AXIN1: variants seen among roughly 807,000 people sequenced by gnomAD.
AXIN1 encodes axin 1.
In AXIN1, 30 loss-of-function variants were observed where a neutral mutation model predicts 76.4. The ratio of observed to expected loss-of-function variants is 0.39; its 90% confidence interval spans 0.29 to 0.53. The LOEUF is 0.53. AXIN1 is among the 20% of genes least tolerant of loss of function. The pLI is 0.66. For synonymous variants in AXIN1, 545 were observed against 501.4 expected (o/e 1.09, Z -1.16); for missense variants, 1,140 against 1,198.8 (o/e 0.95, Z 0.72).
At chr16:297,368 C>T in intron 6 of AXIN1, 142 bp from the exon 7 acceptor site, 3 of 1,115,426 alleles carry the variant, frequency 2.7e-6, no homozygotes, top group Non-Finnish European at 3.9e-6. Flanking sequence ...GCTTGTCCCC[C>T]ACCCGCTGTC....
chr16:311,567 C>T (rs1053376038), intron 3 of AXIN1, among the ~76,000 whole-genome samples: 12 of 151,292 alleles, frequency 7.9e-5, no homozygotes, highest in Non-Finnish European at 1.5e-4. Context: ...GTCAGGAGAT[C>T]GAGACCATCC....
intron 2 of AXIN1, among the ~76,000 whole-genome samples, chr16:322,624 C>A (rs2053484242): frequency 6.6e-6 from 1 of 152,220 alleles, no homozygotes; most frequent in Non-Finnish European, 1.5e-5. Flanking sequence ...GGGTGTGCGT[C>A]TGCCCCTCAA....
At chr16:310,128 G>C in intron 3 of AXIN1, 59 bp from the exon 4 acceptor site, 1 of 1,500,452 alleles carries the variant, frequency 6.7e-7, no homozygotes, top group South Asian at 1.2e-5. Flanking sequence ...CCAGCACCGT[G>C]CCAATAGAGC....
chr16:331,316 G>C (rs971488602), intron 2 of AXIN1, among the ~76,000 whole-genome samples: 3 of 152,146 alleles, frequency 2.0e-5, no homozygotes, highest in Non-Finnish European at 2.9e-5. Flanking sequence ...CAAGTTCCAA[G>C]CTGGGTCTAC....
intron 5 of AXIN1, among the ~76,000 whole-genome samples, chr16:301,848 G>T (rs1316690354): frequency 1.4e-4 from 21 of 152,212 alleles, no homozygotes; most frequent in Admixed American, 1.4e-3. Flanking sequence ...CAGCAAAACA[G>T]CAAAGGCTTC....
intron 2 of AXIN1, among the ~76,000 whole-genome samples, chr16:342,638 C>T (rs578119853): frequency 9.8e-5 from 15 of 152,366 alleles, no homozygotes; most frequent in Non-Finnish European, 1.3e-4. Context: ...CCCCAGCGCA[C>T]GCACCGTGAC....
At chr16:348,940 T>C (rs1380859470) in intron 1 of AXIN1, among the ~76,000 whole-genome samples, 1 of 149,624 alleles carries the variant, frequency 6.7e-6, no homozygotes, top group Non-Finnish European at 1.5e-5. Context: ...CTACTAAAAA[T>C]ACAAAAAATT....
chr16:294,230 T>A (rs1432270627), intron 7 of AXIN1, among the ~76,000 whole-genome samples: 2 of 150,562 alleles, frequency 1.3e-5, no homozygotes, highest in Non-Finnish European at 3.0e-5. Context: ...GAGGCCAAGG[T>A]GGGTGGATCG....
intron 7 of AXIN1, among the ~76,000 whole-genome samples, chr16:294,904 A>C (rs1048670694): frequency 6.6e-6 from 1 of 151,408 alleles, no homozygotes; most frequent in Non-Finnish European, 1.5e-5. Flanking sequence ...CTACTAAAAA[A>C]ATACAAAAAA....
intron 5 of AXIN1, among the ~76,000 whole-genome samples, chr16:302,152 C>G (rs28454675): frequency 6.6e-6 from 1 of 152,236 alleles, no homozygotes; most frequent in Admixed American, 6.5e-5. Flanking sequence ...CGAGGCCTCA[C>G]TCTCACCGCC....
chr16:309,154 C>A (rs896525704), intron 4 of AXIN1, among the ~76,000 whole-genome samples: 1 of 152,036 alleles, frequency 6.6e-6, no homozygotes, highest in Non-Finnish European at 1.5e-5. Context: ...TACGGTGAAA[C>A]CCCATCTCTA....
chr16:302,893 T>C (rs2052911824), intron 5 of AXIN1, among the ~76,000 whole-genome samples: 1 of 152,170 alleles, frequency 6.6e-6, no homozygotes, highest in Admixed American at 6.5e-5. Flanking sequence ...AAGGCATTTT[T>C]TTTTGGCACC....
rs759713767 is a variant in AXIN1 at position 309,901 on chromosome 16, C to T, written c.1116+72G>A. 12 of 1,494,160 alleles carry T rather than the reference C, an allele frequency of 8.0e-6. No individual in the cohort carries two copies. The African/African-American group carries it at 9.7e-5, about 12-fold the overall frequency. 92.6% of individuals were successfully genotyped at this position (1,494,160 alleles called of 1,614,324 possible). A position where few individuals can be genotyped will look rare whatever the true frequency, so the allele number is the denominator to read the frequency against. On this transcript the variant is annotated intron_variant, in intron 4 of 10. Transcript: ENST00000262320. ...TGGGAGGCCAGGCAAGTGCCTTTCC[C>T]GCGGACCAGTTCACCAGGCCCACGC...
At chr16:314,251 G>C (rs1055593592) in intron 3 of AXIN1, among the ~76,000 whole-genome samples, 14 of 152,200 alleles carry the variant, frequency 9.2e-5, no homozygotes, top group South Asian at 4.1e-4. Flanking sequence ...CTGCTTGGAG[G>C]ACAGCCTCTG....
chr16:328,231 A>G (rs757651922), intron 2 of AXIN1, among the ~76,000 whole-genome samples: 10 of 152,150 alleles, frequency 6.6e-5, no homozygotes, highest in Non-Finnish European at 1.0e-4. Flanking sequence ...GTCTCTGCAA[A>G]ATATTTAAAA....
Position 297,037 on chromosome 16 carries a change from C to T in AXIN1, c.1955+19G>A, listed in dbSNP as rs2141501679. Reference sequence around the variant, plus strand: ...GGCAAAGCAGGCCCCACGAGGCTGGCTGCGTGCGGGGTGCTCACCCGTGGC... The same window carrying T: ...GGCAAAGCAGGCCCCACGAGGCTGGTTGCGTGCGGGGTGCTCACCCGTGGC... On this transcript the variant is annotated intron_variant, in intron 7 of 10. Transcript: ENST00000262320. 1.9e-6 allele frequency: 3 copies of T among 1,608,486 alleles called. No homozygotes were observed. Among genetic ancestry groups the T allele is most frequent in the South Asian group, 1.1e-5 (1 of 91,084 alleles).
intron 1 of AXIN1, among the ~76,000 whole-genome samples, chr16:349,893 G>A (rs926984771): frequency 2.0e-5 from 3 of 152,182 alleles, no homozygotes; most frequent in Admixed American, 6.5e-5. Flanking sequence ...CAGCTTCCCA[G>A]GCTCAAGCAA....
chr16:322,925 G>A (rs2053490422), intron 2 of AXIN1, among the ~76,000 whole-genome samples: 1 of 152,208 alleles, frequency 6.6e-6, no homozygotes, highest in Non-Finnish European at 1.5e-5. Context: ...TCATGTCCAG[G>A]GAAGGGGCTC....
rs2052729483 is a variant in AXIN1, at chr16:297,043, G to A, written c.1955+13C>T. On this transcript the variant is annotated intron_variant, in intron 7 of 10. Transcript: ENST00000262320. ...GCAGGCCCCACGAGGCTGGCTGCGTGCGGGGTGCTCACCCGTGGCCGGTCC... is the reference window on the plus strand; with the variant it reads ...GCAGGCCCCACGAGGCTGGCTGCGTACGGGGTGCTCACCCGTGGCCGGTCC... 2 of 1,609,330 alleles carry A rather than the reference G, an allele frequency of 1.2e-6. No homozygotes were observed. Among genetic ancestry groups the A allele is most frequent in the Non-Finnish European group, 1.7e-6 (2 of 1,179,840 alleles).
Sources: gnomAD v4.1 joint callset for allele counts (sites outside exome capture counted in the v4.1 genomes callset) on GRCh38, gnomAD v4.1.1 for gene constraint, MANE v1.5 for transcripts, NCBI Gene and HGNC (gene_info 2026-07-23, HGNC 2026-07-21) for gene names.